The following SPATA6 variants were observed in gnomAD, a reference collection of about 807,000 sequenced individuals.
The protein encoded by SPATA6 is spermatogenesis-associated protein 6.
SPATA6 carries 56 observed loss-of-function variants against 65.3 expected under a neutral mutation model. The observed-to-expected ratio is 0.86, with a 90% confidence interval of 0.69 to 1.07. The LOEUF is 1.07. Ranked by LOEUF, SPATA6 falls within the 50% of genes least tolerant of loss-of-function variation. SPATA6 has a pLI of 0.00. For missense variants in SPATA6, 590 were observed against 594.8 expected (o/e 0.99, Z 0.08); for synonymous variants, 199 against 213.2 (o/e 0.93, Z 0.58).
chr1:48,364,199 T>C (rs1417135164), intron 9 of SPATA6, among the ~76,000 whole-genome samples: 1 of 152,114 alleles, frequency 6.6e-6, no homozygotes, highest in Non-Finnish European at 1.5e-5. Flanking sequence ...TCCAATCTAT[T>C]GTTGTTGGAC....
At chr1:48,371,916 T>C (rs1647324425) in intron 9 of SPATA6, among the ~76,000 whole-genome samples, 1 of 152,144 alleles carries the variant, frequency 6.6e-6, no homozygotes, top group African/African-American at 2.4e-5. Flanking sequence ...GACACTTATT[T>C]ACTATCATGA....
chr1:48,442,418 CAA>C (rs1242741035), intron 3 of SPATA6, among the ~76,000 whole-genome samples: 1 of 151,882 alleles, frequency 6.6e-6, no homozygotes, highest in Non-Finnish European at 1.5e-5. Context: ...TGCAAAAACC[CAA>C]AGAGGTGGCA....
chr1:48,370,610 T>C (rs1647208547), intron 9 of SPATA6, among the ~76,000 whole-genome samples: 1 of 152,388 alleles, frequency 6.6e-6, no homozygotes, highest in Non-Finnish European at 1.5e-5. Flanking sequence ...ATATATCAGA[T>C]CTTGAGGGGA....
chr1:48,375,990 C>T (rs1456806259), intron 9 of SPATA6, among the ~76,000 whole-genome samples: 2 of 152,028 alleles, frequency 1.3e-5, no homozygotes, highest in East Asian at 1.9e-4. Context: ...CTAAAAATTC[C>T]TTCCTTAAAA....
rs184628057 is a variant in SPATA6 at position 48,352,393 on chromosome 1, T to C, written c.1194+3277A>G. Among the ~76,000 whole-genome samples the C allele has an allele frequency of 2.9e-3, 436 of 152,188 alleles. 3 individuals are homozygous for C. The highest frequency in any genetic ancestry group is 8.8e-3 in the Admixed American group (134 of 15,248). Reference sequence around the variant, plus strand: ...TCCAGGATTTGGCCCATTTCATTGATCAAAGTTTCAACAGCAAAACCTCAT... The same window carrying C: ...TCCAGGATTTGGCCCATTTCATTGACCAAAGTTTCAACAGCAAAACCTCAT... On this transcript the variant is annotated intron_variant, in intron 11 of 12. Coordinates refer to ENST00000371847, the MANE Select transcript of SPATA6 (RefSeq NM_019073.4).
chr1:48,265,459 T>C, the SPATA6 span, among the ~76,000 whole-genome samples: 1 of 151,862 alleles, frequency 6.6e-6, no homozygotes, highest in Non-Finnish European at 1.5e-5. Context: ...ATAGTTCACA[T>C]GGAATCTAGA....
At chr1:48,459,229 C>T (rs1023999633) in intron 1 of SPATA6, among the ~76,000 whole-genome samples, 5 of 126,764 alleles carry the variant, frequency 3.9e-5, no homozygotes, top group Non-Finnish European at 8.3e-5. Context: ...AAAAAAAGAA[C>T]GTTTCATGGG....
intron 5 of SPATA6, among the ~76,000 whole-genome samples, chr1:48,406,907 T>C (rs1651763076): frequency 6.6e-6 from 1 of 152,188 alleles, no homozygotes; most frequent in Non-Finnish European, 1.5e-5. Flanking sequence ...AGTAAAGGCT[T>C]CAGGAGCATA....
At chr1:48,464,274 T>C (rs1657653718) in intron 1 of SPATA6, among the ~76,000 whole-genome samples, 1 of 152,048 alleles carries the variant, frequency 6.6e-6, no homozygotes, top group Non-Finnish European at 1.5e-5. Flanking sequence ...TTAAACACTA[T>C]ACTAGAAATT....
rs116594913 is a variant in SPATA6 at position 48,319,614 on chromosome 1, C to T, written c.1195-13736G>A. Among the ~76,000 whole-genome samples, 1,080 of 152,204 alleles carry T rather than the reference C, an allele frequency of 7.1e-3. 14 individuals are homozygous for T. Among genetic ancestry groups the T allele is most frequent in the African/African-American group, 0.025 (1,037 of 41,506 alleles). On this transcript the variant is annotated intron_variant, in intron 11 of 12. Transcript: ENST00000371847. ...ACTGGCGCAGAGCTAGGAAAGGTTC[C>T]CTAAAGCAGGAAAGGGATGACTAAA... is the stretch of plus-strand genomic sequence containing the variant.
chr1:48,352,054 A>G (rs893568989), intron 11 of SPATA6, among the ~76,000 whole-genome samples: 6 of 152,092 alleles, frequency 3.9e-5, no homozygotes, highest in African/African-American at 1.4e-4. Flanking sequence ...TTTACAAAAG[A>G]AAGAGGTATA....
At chr1:48,359,846 G>A (rs1216439241) in intron 9 of SPATA6, 76 bp from the exon 10 acceptor site, 9 of 1,143,988 alleles carry the variant, frequency 7.9e-6, no homozygotes, top group Non-Finnish European at 1.1e-5. Context: ...TAGTAATATA[G>A]TATGCATAGT....
intron 1 of SPATA6, among the ~76,000 whole-genome samples, chr1:48,470,104 A>C (rs753797467): frequency 2.0e-5 from 3 of 152,236 alleles, no homozygotes; most frequent in Non-Finnish European, 2.9e-5. Flanking sequence ...CTGATAAGTA[A>C]CAAAGCTCCG....
chr1:48,272,920 T>C, the SPATA6 span, among the ~76,000 whole-genome samples: 6 of 152,210 alleles, frequency 3.9e-5, no homozygotes, highest in Admixed American at 3.3e-4. Context: ...GTTGGCCTTT[T>C]GAATTCCTTC....
In SPATA6 at chr1:48,395,295, T is replaced by C; in HGVS notation, c.840A>G (p.Glu280=). The change falls in exon 8 of 13, where the codon GAA becomes GAG. Residue 280 remains glutamate (E), a synonymous_variant. Transcript: ENST00000371847. ...TLLGSSGRDC[E]RDGWSRVHND... is the part of the protein sequence containing the mutation. ...TGTGCACCCTTGACCATCCATCTCT[T>C]TCACAGTCTCTTCCAGAAGATCCCA... The C allele has an allele frequency of 6.4e-7, 1 of 1,568,686 alleles. No individual in the cohort carries two copies. The highest frequency in any genetic ancestry group is 8.7e-7 in the Non-Finnish European group (1 of 1,154,762).
chr1:48,462,295 G>T (rs1657503991), intron 1 of SPATA6, among the ~76,000 whole-genome samples: 1 of 152,034 alleles, frequency 6.6e-6, no homozygotes, highest in Non-Finnish European at 1.5e-5. Context: ...GTATACATAT[G>T]TAACAAACCG....
At chr1:48,414,146 T>G (rs1370775759) in intron 3 of SPATA6, among the ~76,000 whole-genome samples, 1 of 152,198 alleles carries the variant, frequency 6.6e-6, no homozygotes, top group South Asian at 2.1e-4. Flanking sequence ...GGAAGCTCAG[T>G]GCGGACAAGT....
At chr1:48,317,670 A>G (rs1453895612) in intron 11 of SPATA6, among the ~76,000 whole-genome samples, 1 of 152,196 alleles carries the variant, frequency 6.6e-6, no homozygotes, top group East Asian at 1.9e-4. Flanking sequence ...TAAAACTTAA[A>G]GTAAAAAAAA....
At chr1:48,429,565 C>T (rs183812823) in intron 3 of SPATA6, among the ~76,000 whole-genome samples, 117 of 152,120 alleles carry the variant, frequency 7.7e-4, no homozygotes, top group African/African-American at 2.6e-3. Flanking sequence ...GAATCAAATG[C>T]CCAGTTTTCA....
Sources: allele counts gnomAD v4.1 joint callset (sites outside exome capture counted in the v4.1 genomes callset), GRCh38; gene constraint gnomAD v4.1.1; transcripts MANE v1.5; gene names NCBI Gene and HGNC (gene_info 2026-07-23, HGNC 2026-07-21).